TBC1D5: variants seen among roughly 807,000 people sequenced by gnomAD.
TBC1D5 encodes TBC1 domain family, member 5.
Under a neutral mutation model 100.3 loss-of-function variants are expected in TBC1D5, and 75 were observed. That is an observed-to-expected ratio of 0.75 (90% CI 0.62 to 0.91). The LOEUF (loss-of-function observed/expected upper bound fraction) is 0.91. TBC1D5 is among the 40% of genes least tolerant of loss of function. TBC1D5 has a pLI of 0.00. For synonymous variants in TBC1D5, 323 were observed against 325.6 expected (o/e 0.99, Z 0.09); for missense variants, 910 against 942.4 (o/e 0.97, Z 0.45).
chr3:17,174,153 G>T (rs1022035528), intron 19 of TBC1D5, among the ~76,000 whole-genome samples: 2 of 152,146 alleles, frequency 1.3e-5, no homozygotes, highest in African/African-American at 4.8e-5. Flanking sequence ...CCCATTAGCA[G>T]TCTTCCCTCC....
At chr3:17,203,071 C>T (rs1034832357) in intron 18 of TBC1D5, among the ~76,000 whole-genome samples, 1 of 152,168 alleles carries the variant, frequency 6.6e-6, no homozygotes, top group African/African-American at 2.4e-5. Context: ...TCACTAAATG[C>T]CAGCTTGTGA....
intron 1 of TBC1D5, among the ~76,000 whole-genome samples, chr3:17,718,448 A>G (rs1218994510): frequency 2.0e-5 from 3 of 152,126 alleles, no homozygotes; most frequent in African/African-American, 7.2e-5. Flanking sequence ...ATACAAAAAA[A>G]TTAGCAGGCA....
chr3:17,352,816 G>A (rs1463448493), intron 13 of TBC1D5, among the ~76,000 whole-genome samples: 3 of 151,656 alleles, frequency 2.0e-5, no homozygotes, highest in Non-Finnish European at 4.4e-5. Context: ...TGAGTTGTAC[G>A]TAAAACATGC....
intron 1 of TBC1D5, among the ~76,000 whole-genome samples, chr3:17,666,049 T>C (rs1311386553): frequency 6.6e-6 from 1 of 152,188 alleles, no homozygotes; most frequent in Non-Finnish European, 1.5e-5. Flanking sequence ...TATTTCATCT[T>C]TCTATACATT....
chr3:17,594,815 G>A lies in TBC1D5; in HGVS notation c.-36+29034C>T, dbSNP rs568207519. 5.3e-5 allele frequency among the ~76,000 whole-genome samples: 8 copies of A among 152,260 alleles called. No homozygotes were observed. In the East Asian group the frequency reaches 1.4e-3, roughly 26 times the overall value. Reference sequence around the variant, plus strand: ...AGGATTATGTATGATCTCAGGAGATGCGAATGGGTTCCAATTGACAAGGGG... The same window carrying A: ...AGGATTATGTATGATCTCAGGAGATACGAATGGGTTCCAATTGACAAGGGG... On this transcript the variant is annotated intron_variant, in intron 2 of 21. Coordinates refer to ENST00000253692, the Ensembl canonical transcript of TBC1D5.
At chr3:17,636,421 T>C (rs1189619237) in intron 1 of TBC1D5, among the ~76,000 whole-genome samples, 2 of 152,218 alleles carry the variant, frequency 1.3e-5, no homozygotes, top group African/African-American at 4.8e-5. Flanking sequence ...AAACTCTTTA[T>C]ATTATGCTGC....
chr3:17,559,352 G>A (rs1475728152), intron 2 of TBC1D5, among the ~76,000 whole-genome samples: 1 of 151,920 alleles, frequency 6.6e-6, no homozygotes, highest in Non-Finnish European at 1.5e-5. Flanking sequence ...TGTTGGCCAG[G>A]CTGGTCTCAA....
At position 17,224,247 on chromosome 3, in the gene TBC1D5, C is replaced by A. The variant is rs1021004743; in HGVS notation, c.1589-9877G>T. On this transcript the variant is annotated intron_variant, in intron 17 of 21. Transcript: ENST00000253692. Reference sequence around the variant, plus strand: ...GGGAAAAAAGCTAGCACAGTGCCTGCACATTGTGGAGCTACCATAAATGTT... The same window carrying A: ...GGGAAAAAAGCTAGCACAGTGCCTGAACATTGTGGAGCTACCATAAATGTT... Among the ~76,000 whole-genome samples, 6 of 152,156 alleles carry A rather than the reference C, an allele frequency of 3.9e-5. No homozygotes were observed. In the East Asian group the frequency reaches 7.7e-4, roughly 20 times the overall value.
At chr3:17,652,945 T>C (rs1053288776) in intron 1 of TBC1D5, among the ~76,000 whole-genome samples, 2 of 152,208 alleles carry the variant, frequency 1.3e-5, no homozygotes, top group African/African-American at 2.4e-5. Context: ...AACTGTGATA[T>C]ATACAACGAC....
chr3:17,517,928 T>C (rs1483624007), intron 2 of TBC1D5, among the ~76,000 whole-genome samples: 1 of 152,178 alleles, frequency 6.6e-6, no homozygotes, highest in Non-Finnish European at 1.5e-5. Flanking sequence ...TCATGACTGT[T>C]ACAAGGATGA....
intron 1 of TBC1D5, chr3:17,664,832 G>T (rs1481862283): frequency 1.3e-5 from 2 of 152,016 alleles, no homozygotes; most frequent in African/African-American, 4.8e-5. Context: ...TATTGGCTAG[G>T]TACTAGATAG....
chr3:17,364,623 T>C (rs568841544), intron 13 of TBC1D5, among the ~76,000 whole-genome samples: 1 of 152,216 alleles, frequency 6.6e-6, no homozygotes, highest in African/African-American at 2.4e-5. Flanking sequence ...AAGCATATAG[T>C]TGGATATTGT....
At chr3:17,721,960 C>T (rs755647236) in intron 1 of TBC1D5, among the ~76,000 whole-genome samples, 6 of 152,050 alleles carry the variant, frequency 3.9e-5, no homozygotes, top group Admixed American at 2.6e-4. Flanking sequence ...CCAGCCTGGG[C>T]GACAGAGCAA....
At chr3:17,569,026 C>A (rs887693002) in intron 2 of TBC1D5, among the ~76,000 whole-genome samples, 13 of 151,738 alleles carry the variant, frequency 8.6e-5, no homozygotes, top group Non-Finnish European at 5.9e-5. Context: ...CTTGTAATTA[C>A]CCTAATGTTT....
At chr3:17,684,738 A>G (rs988966425) in intron 1 of TBC1D5, among the ~76,000 whole-genome samples, 15 of 152,100 alleles carry the variant, frequency 9.9e-5, no homozygotes, top group African/African-American at 3.4e-4. Flanking sequence ...AAAAATTTCC[A>G]TAAGAAATAT....
At chr3:17,316,427 T>C (rs1398909201) in intron 13 of TBC1D5, among the ~76,000 whole-genome samples, 1 of 152,048 alleles carries the variant, frequency 6.6e-6, no homozygotes, top group Non-Finnish European at 1.5e-5. Flanking sequence ...TTCTGAAAAA[T>C]ACACACACCC....
intron 3 of TBC1D5, among the ~76,000 whole-genome samples, chr3:17,478,263 AT>A (rs1254133622): frequency 6.6e-6 from 1 of 152,156 alleles, no homozygotes; most frequent in Admixed American, 6.5e-5. Context: ...TTAACATAAA[AT>A]ATTTACATAT....
At chr3:17,161,519 G>GTT (rs1308558766) in intron 21 of TBC1D5, among the ~76,000 whole-genome samples, 9 of 152,248 alleles carry the variant, frequency 5.9e-5, no homozygotes, top group African/African-American at 2.2e-4. Context: ...TGTTTGACAA[G>GTT]CTTCAGACAG....
intron 3 of TBC1D5, among the ~76,000 whole-genome samples, chr3:17,482,054 A>G (rs2095508457): frequency 6.6e-6 from 1 of 151,794 alleles, no homozygotes. Context: ...TCATTTATTT[A>G]AATAAATTAA....
Sources: allele counts gnomAD v4.1 joint callset (sites outside exome capture counted in the v4.1 genomes callset), GRCh38; gene constraint gnomAD v4.1.1; transcripts MANE v1.5; gene names NCBI Gene and HGNC (gene_info 2026-07-23, HGNC 2026-07-21).